TENM4: variants seen among roughly 807,000 people sequenced by gnomAD.
The protein encoded by TENM4 is teneurin transmembrane protein 4.
Under a neutral mutation model 243.3 loss-of-function variants are expected in TENM4, and 82 were observed. The ratio of observed to expected loss-of-function variants is 0.34; its 90% CI spans 0.28 to 0.40. The LOEUF (loss-of-function observed/expected upper bound fraction) is 0.40. Ranked by LOEUF, TENM4 falls within the 10% of genes least tolerant of loss-of-function variation. The pLI, the probability that TENM4 is intolerant of heterozygous loss-of-function variation, is 1.00. For synonymous variants in TENM4, 1,412 were observed against 1,456.3 expected, an observed-to-expected ratio of 0.97 and a Z score of 0.69; for missense variants, 3,138 against 3,673.3, an observed-to-expected ratio of 0.85 and a Z score of 3.77.
At chr11:78,989,686 C>A (rs1054046975) in intron 6 of TENM4, among the ~76,000 whole-genome samples, 2 of 152,136 alleles carry the variant, frequency 1.3e-5, no homozygotes, top group South Asian at 4.2e-4. Flanking sequence ...CAGGTAGAGC[C>A]GTCCCTGGAT....
At chr11:79,052,084 G>A (rs549475735) in intron 6 of TENM4, among the ~76,000 whole-genome samples, 1 of 152,208 alleles carries the variant, frequency 6.6e-6, no homozygotes, top group African/African-American at 2.4e-5. Context: ...AATGAACATA[G>A]GTGTGCATGT....
chr11:79,067,134 T>C (rs1208497838), intron 5 of TENM4, among the ~76,000 whole-genome samples: 3 of 152,172 alleles, frequency 2.0e-5, no homozygotes, highest in African/African-American at 7.2e-5. Context: ...GGACCAGGCA[T>C]AAAAGAAGCC....
intron 7 of TENM4, among the ~76,000 whole-genome samples, chr11:78,893,240 C>A (rs994459668): frequency 6.6e-6 from 1 of 152,192 alleles, no homozygotes; most frequent in South Asian, 2.1e-4. Context: ...AGGCAGATAA[C>A]CCTGCTGATG....
At chr11:78,803,689 C>T (rs1178705906) in intron 15 of TENM4, among the ~76,000 whole-genome samples, 1 of 152,208 alleles carries the variant, frequency 6.6e-6, no homozygotes, top group Non-Finnish European at 1.5e-5. Context: ...TTAGTAATCT[C>T]ATCCAAAGTT....
chr11:79,294,777 A>T (rs890310001), intron 2 of TENM4, among the ~76,000 whole-genome samples: 1 of 152,094 alleles, frequency 6.6e-6, no homozygotes, highest in Non-Finnish European at 1.5e-5. Flanking sequence ...TGAACCTGGG[A>T]GGTAGAGGTT....
intron 6 of TENM4, 90 bp downstream of exon 6, chr11:79,064,648 G>A (rs77448684): frequency 1.3e-6 from 2 of 1,495,204 alleles, no homozygotes; most frequent in Non-Finnish European, 1.8e-6. Flanking sequence ...CTTCACCAGA[G>A]CCCCGGCAGT....
At chr11:79,041,693 C>A (rs1859537128) in intron 6 of TENM4, among the ~76,000 whole-genome samples, 1 of 152,172 alleles carries the variant, frequency 6.6e-6, no homozygotes. Context: ...GTGTCAAATC[C>A]TCCAGTCTTG....
intron 1 of TENM4, among the ~76,000 whole-genome samples, chr11:79,432,084 T>C (rs970179220): frequency 6.6e-5 from 10 of 152,200 alleles, no homozygotes; most frequent in Non-Finnish European, 1.3e-4. Context: ...TTTAATTAAA[T>C]TTAGTTTAAA....
intron 1 of TENM4, among the ~76,000 whole-genome samples, chr11:79,334,524 C>G (rs1857116167): frequency 1.3e-5 from 2 of 152,218 alleles, no homozygotes; most frequent in Non-Finnish European, 2.9e-5. Flanking sequence ...CCAGCACTGT[C>G]AGGGTAAAAT....
At position 78,658,677 on chromosome 11, in the gene TENM4, G is replaced by A. The variant is rs765473636; in HGVS notation, c.7691C>T (p.Ser2564Leu). 6 of 1,614,020 alleles carry A rather than the reference G, an allele frequency of 3.7e-6. No homozygotes were observed. The African/African-American group carries it at 8.0e-5, about 22-fold the overall frequency. The change falls in exon 34 of 34, where the codon TCA (serine) becomes TTA (leucine). Residue 2564 changes from serine to leucine, a missense_variant. Around this residue, in one of 2 missense-constraint regions of TENM4, gnomAD observed 2,467 missense variants for 3,059.1 expected, o/e 0.81. Coordinates refer to ENST00000278550, the MANE Select transcript of TENM4 (RefSeq NM_001098816.3). ...PKTKKFASSGSVFGKGVKFAL... is the reference protein window; with the variant it reads ...PKTKKFASSGLVFGKGVKFAL... The stretch of plus-strand genomic sequence containing the variant: ...AAACTTGACCCCCTTGCCAAAGACT[G>A]AGCCGCTGGATGCAAACTTCTTGGT...
intron 6 of TENM4, among the ~76,000 whole-genome samples, chr11:79,015,162 G>T (rs780752933): frequency 2.2e-4 from 34 of 152,198 alleles, no homozygotes; most frequent in Non-Finnish European, 4.1e-4. Flanking sequence ...CAGGCCCTGT[G>T]TGTTAACACA....
At chr11:78,969,564 CT>C (rs1857500622) in intron 6 of TENM4, among the ~76,000 whole-genome samples, 1 of 152,188 alleles carries the variant, frequency 6.6e-6, no homozygotes, top group South Asian at 2.1e-4. Flanking sequence ...ACAAAATATA[CT>C]TTTTAACACT....
At chr11:78,677,444 C>A (rs1187455774) in intron 29 of TENM4, among the ~76,000 whole-genome samples, 1 of 151,866 alleles carries the variant, frequency 6.6e-6, no homozygotes, top group Non-Finnish European at 1.5e-5. Flanking sequence ...TTTGTAGAGA[C>A]CAGGTTTCAA....
At chr11:79,436,707 C>T (rs1196184513) in intron 1 of TENM4, among the ~76,000 whole-genome samples, 2 of 152,176 alleles carry the variant, frequency 1.3e-5, no homozygotes, top group African/African-American at 2.4e-5. Context: ...CTGGTCAAGG[C>T]CGGTCTATTA....
chr11:78,854,459 A>T (rs1228237375), intron 11 of TENM4, 145 bp from the exon 12 acceptor site: 2 of 631,378 alleles, frequency 3.2e-6, no homozygotes, highest in Non-Finnish European at 4.7e-6. Context: ...AGGAAGGTTG[A>T]TCAATCAACT....
At chr11:78,848,292 C>T (rs943708259) in intron 12 of TENM4, among the ~76,000 whole-genome samples, 7 of 152,058 alleles carry the variant, frequency 4.6e-5, no homozygotes, top group East Asian at 1.9e-4. Context: ...CAAAAGCCTG[C>T]GATAGTGCCT....
At chr11:78,870,280 A>G (rs1431766164) in intron 9 of TENM4, among the ~76,000 whole-genome samples, 1 of 152,078 alleles carries the variant, frequency 6.6e-6, no homozygotes, top group East Asian at 1.9e-4. Flanking sequence ...TCTACTGAAA[A>G]CTTTAAGCCA....
chr11:79,009,140 A>C (rs1858576289), intron 6 of TENM4, among the ~76,000 whole-genome samples: 1 of 152,110 alleles, frequency 6.6e-6, no homozygotes, highest in Admixed American at 6.5e-5. Flanking sequence ...TATTTTTACC[A>C]ATTTGTTATT....
chr11:79,052,768 G>A (rs958930415), intron 6 of TENM4, among the ~76,000 whole-genome samples: 14 of 152,158 alleles, frequency 9.2e-5, no homozygotes, highest in Non-Finnish European at 1.6e-4. Context: ...GTGGCCAGTC[G>A]GTCCATTGAA....
Sources: allele counts gnomAD v4.1 joint callset (sites outside exome capture counted in the v4.1 genomes callset), GRCh38; gene constraint gnomAD v4.1.1; regional missense constraint gnomAD v4.1.1; transcripts MANE v1.5; gene names NCBI Gene and HGNC (gene_info 2026-07-23, HGNC 2026-07-21).